The following NME9 variants were observed in gnomAD, a reference collection of about 807,000 sequenced individuals.
NME9 encodes thioredoxin domain-containing protein 6.
NME9 carries 48 observed loss-of-function variants against 44.4 expected under a neutral mutation model. That is an observed-to-expected ratio of 1.08 (90% CI 0.86 to 1.37). NME9 has a LOEUF of 1.37. Ranked by LOEUF, NME9 falls within the 40% of genes most tolerant of loss-of-function variation. The probability of loss-of-function intolerance (pLI) is 0.00; values close to 1 mark genes in which losing one functional copy is unlikely to be tolerated. For missense variants in NME9, 325 were observed against 405.2 expected, an observed-to-expected ratio of 0.80 and a Z score of 1.70; for synonymous variants, 139 against 147.1, an observed-to-expected ratio of 0.94 and a Z score of 0.40.
intron 8 of NME9, chr3:138,267,353 C>G: frequency 5.0e-6 from 3 of 604,100 alleles, no homozygotes; most frequent in Non-Finnish European, 5.6e-6. Context: ...AAAACTACTT[C>G]GGAATTGTTT....
At position 138,319,517 on chromosome 3, in the gene NME9, C is replaced by T. The variant is rs753696610; in HGVS notation, c.156G>A (p.Met52Ile). ...CKPVVSLFQKMRIEVGLDLLH... is the reference protein window; with the variant it reads ...CKPVVSLFQKIRIEVGLDLLH... ...GAAGGTCCAGGCCGACCTCGATCCT[C>T]ATCTTCTGGAAGAGGCTCACCACAG... is the stretch of plus-strand genomic sequence containing the variant. Residue 52 changes from methionine (M) to isoleucine (I), a missense_variant, in exon 3 of 11, where the codon ATG (methionine) becomes ATA (isoleucine). Transcript: ENST00000333911. 4 of 1,613,622 alleles carry T rather than the reference C, an allele frequency of 2.5e-6. No homozygotes were observed. Among genetic ancestry groups the T allele is most frequent in the South Asian group, 2.2e-5 (2 of 91,074 alleles).
chr3:138,316,772 G>A (rs1329250847), intron 4 of NME9, among the ~76,000 whole-genome samples: 13 of 152,064 alleles, frequency 8.5e-5, no homozygotes, highest in Admixed American at 8.5e-4. Context: ...CCGCCACCAG[G>A]CCTGGCTAAT....
At chr3:138,293,150 A>G (rs1316789693) in intron 8 of NME9, among the ~76,000 whole-genome samples, 2 of 152,154 alleles carry the variant, frequency 1.3e-5, no homozygotes, top group Non-Finnish European at 2.9e-5. Flanking sequence ...AGAGGAACTT[A>G]ACTAACTCCT....
At chr3:138,324,086 A>G (rs187429276) in intron 2 of NME9, 150 of 205,888 alleles carry the variant, frequency 7.3e-4, no homozygotes, top group African/African-American at 3.3e-3. Context: ...GAAGCAAGTT[A>G]CCAGGTTGTG....
intron 1 of NME9, among the ~76,000 whole-genome samples, chr3:138,325,568 C>G (rs908019993): frequency 2.0e-5 from 3 of 152,028 alleles, no homozygotes; most frequent in Non-Finnish European, 4.4e-5. Context: ...GCCACTACAC[C>G]TGGCCATTTT....
intron 8 of NME9, among the ~76,000 whole-genome samples, chr3:138,287,291 C>T (rs1442127375): frequency 2.0e-5 from 3 of 152,194 alleles, no homozygotes; most frequent in African/African-American, 7.2e-5. Context: ...CTCCTTCTTA[C>T]TTCAGACCTT....
chr3:138,265,760 G>A (rs2048219311), intron 8 of NME9, among the ~76,000 whole-genome samples: 1 of 152,184 alleles, frequency 6.6e-6, no homozygotes. Context: ...CCAGTGGACA[G>A]GTAAGGACGA....
At chr3:138,268,502 G>A (rs189230693) in intron 8 of NME9, among the ~76,000 whole-genome samples, 1 of 152,214 alleles carries the variant, frequency 6.6e-6, no homozygotes, top group Admixed American at 6.5e-5. Context: ...GGATATTTAG[G>A]GTCTAGTTAG....
At chr3:138,266,689 C>T (rs1379674174) in intron 8 of NME9, among the ~76,000 whole-genome samples, 2 of 152,172 alleles carry the variant, frequency 1.3e-5, no homozygotes, top group African/African-American at 4.8e-5. Context: ...CAGTCTCCCA[C>T]ACTGTCCTGC....
intron 2 of NME9, among the ~76,000 whole-genome samples, chr3:138,321,361 G>A (rs2053451738): frequency 6.6e-6 from 1 of 152,208 alleles, no homozygotes; most frequent in African/African-American, 2.4e-5. Flanking sequence ...GAATTATACT[G>A]TGTCCTCACA....
chr3:138,275,449 C>G (rs1222156574), intron 8 of NME9, among the ~76,000 whole-genome samples: 1 of 152,110 alleles, frequency 6.6e-6, no homozygotes, highest in African/African-American at 2.4e-5. Flanking sequence ...GTCCCAACTA[C>G]TGGGGAGGCT....
chr3:138,316,043 AG>A (rs2053056946), intron 4 of NME9, among the ~76,000 whole-genome samples: 1 of 152,184 alleles, frequency 6.6e-6, no homozygotes, highest in African/African-American at 2.4e-5. Context: ...CATGTTAGGC[AG>A]GATGGTCTCG....
At chr3:138,284,742 G>A (rs1369406892) in intron 8 of NME9, among the ~76,000 whole-genome samples, 3 of 152,062 alleles carry the variant, frequency 2.0e-5, no homozygotes, top group Non-Finnish European at 2.9e-5. Flanking sequence ...CCTGCCAGTC[G>A]ACTCCCTGCC....
chr3:138,324,649 A>T, intron 2 of NME9: 1 of 642,918 alleles, frequency 1.6e-6, no homozygotes, highest in Non-Finnish European at 2.9e-6. Context: ...AACCCTAAGT[A>T]CTGACTCATT....
At chr3:138,318,443 G>A (rs186210727) in intron 3 of NME9, among the ~76,000 whole-genome samples, 5 of 130,706 alleles carry the variant, frequency 3.8e-5, no homozygotes, top group East Asian at 1.9e-4. Flanking sequence ...TCTCCTACCC[G>A]CCCCCCAGCT....
At chr3:138,270,697 A>G (rs977495975) in intron 8 of NME9, among the ~76,000 whole-genome samples, 4 of 152,170 alleles carry the variant, frequency 2.6e-5, no homozygotes, top group African/African-American at 7.2e-5. Flanking sequence ...CATTTTTTGC[A>G]GAATGATTAA....
intron 8 of NME9, 27 bp downstream of exon 8, chr3:138,305,977 T>G (rs2052225415): frequency 7.0e-7 from 1 of 1,424,116 alleles, no homozygotes; most frequent in African/African-American, 1.4e-5. Context: ...GACAGTGTGT[T>G]GAACTTGTGG....
intron 1 of NME9, among the ~76,000 whole-genome samples, chr3:138,326,006 A>G (rs554282796): frequency 6.6e-6 from 1 of 152,186 alleles, no homozygotes; most frequent in Admixed American, 6.5e-5. Flanking sequence ...CTAATCAGAA[A>G]TGTGTGCTAG....
At chr3:138,316,439 AACAATT>A (rs1286300586) in intron 4 of NME9, among the ~76,000 whole-genome samples, 2 of 152,176 alleles carry the variant, frequency 1.3e-5, no homozygotes, top group Non-Finnish European at 2.9e-5. Context: ...AAGCTGAAGA[AACAATT>A]ACAATACTAT....
Sources: allele counts gnomAD v4.1 joint callset (sites outside exome capture counted in the v4.1 genomes callset), GRCh38; gene constraint gnomAD v4.1.1; transcripts MANE v1.5; gene names NCBI Gene and HGNC (gene_info 2026-07-23, HGNC 2026-07-21).